Variants in AXIN2 observed in about 807,000 individuals in gnomAD.
AXIN2 encodes the protein axin-2.
AXIN2 carries 21 observed loss-of-function variants against 74.7 expected under a neutral mutation model. That is an observed-to-expected ratio of 0.28 (90% CI 0.20 to 0.40). The LOEUF is 0.40. AXIN2 is among the 10% of genes least tolerant of loss of function. The pLI is 1.00. For missense variants in AXIN2, 1,144 were observed against 1,111.1 expected (o/e 1.03, Z -0.42); for synonymous variants, 532 against 454.9 (o/e 1.17, Z -2.16).
chr17:65,556,820 G>A (rs1473762157), intron 2 of AXIN2, among the ~76,000 whole-genome samples: 1 of 152,124 alleles, frequency 6.6e-6, no homozygotes, highest in Non-Finnish European at 1.5e-5. Context: ...TTCACACAGA[G>A]AGCAAGATAA....
At position 65,533,732 on chromosome 17, in the gene AXIN2, G is replaced by A. The variant is rs559720236; in HGVS notation, c.2405+180C>T. Among the ~76,000 whole-genome samples the A allele has an allele frequency of 2.2e-3, 341 of 152,302 alleles. 2 individuals are homozygous for A. Among genetic ancestry groups the A allele is most frequent in the Non-Finnish European group, 2.1e-3 (145 of 68,030 alleles). On this transcript the variant is annotated intron_variant, in intron 10 of 10. Transcript: ENST00000307078. The stretch of plus-strand genomic sequence containing the variant: ...GCCTCCCTCTTGCGGCTGCTGCTTC[G>A]TTATTGCTGCTAGCGGTGAGGGGAG...
intron 7 of AXIN2, 47 bp downstream of exon 7, chr17:65,536,822 G>A (rs1184820702): frequency 2.0e-5 from 32 of 1,609,764 alleles, no homozygotes; most frequent in Non-Finnish European, 2.5e-5. Flanking sequence ...CCTCCGTACT[G>A]AGTGCCCATG....
chr17:65,558,754 G>C lies in AXIN2; in HGVS notation c.-116-18C>G. 4.5e-6 allele frequency: 4 copies of C among 896,486 alleles called. No homozygotes were observed. The highest frequency in any genetic ancestry group is 5.3e-6 in the Non-Finnish European group (3 of 567,252). 55.5% of individuals were successfully genotyped at this position (896,486 alleles called of 1,614,324 possible). A position where few individuals can be genotyped will look rare whatever the true frequency, so the allele number is the denominator to read the frequency against. ...CCTCCTCTCTGGAAAGAAAAGGAAG[G>C]GGGGAGGTGGGGAGAGAGAAAAGGG... On this transcript the variant is annotated intron_variant, in intron 1 of 10. Transcript: ENST00000307078.
At chr17:65,545,805 AG>A (rs1455164655) in intron 3 of AXIN2, among the ~76,000 whole-genome samples, 1 of 152,166 alleles carries the variant, frequency 6.6e-6, no homozygotes, top group African/African-American at 2.4e-5. Context: ...CTTTGGGAGA[AG>A]GCAATGATTT....
intron 3 of AXIN2, among the ~76,000 whole-genome samples, chr17:65,546,985 C>T (rs1239812337): frequency 2.6e-5 from 4 of 152,120 alleles, no homozygotes; most frequent in East Asian, 1.9e-4. Flanking sequence ...CTGAACTACA[C>T]ACTAACCCTT....
chr17:65,537,677 C>G lies in AXIN2; in HGVS notation c.1359G>C (p.Gln453His), dbSNP rs2043957761. The change falls in exon 6 of 11, where the codon CAG becomes CAC. Residue 453 changes from glutamine to histidine, a missense_variant. Around this residue, in one of 4 missense-constraint regions of AXIN2, gnomAD observed 1,053 missense variants for 973.5 expected, o/e 1.08. Coordinates refer to ENST00000307078, the MANE Select transcript of AXIN2 (RefSeq NM_004655.4). Reference protein sequence around the residue: ...LSRVLKTPGCQSPGVGRYSPR... With the variant: ...LSRVLKTPGCHSPGVGRYSPR... ...GGCTATAGCGGCCTACGCCTGGAGACTGGCAGCCAGGGGTCTTGAGGACCC... is the reference window on the plus strand; with the variant it reads ...GGCTATAGCGGCCTACGCCTGGAGAGTGGCAGCCAGGGGTCTTGAGGACCC... 2 of 1,557,580 alleles carry G rather than the reference C, an allele frequency of 1.3e-6. No individual in the cohort carries two copies. The highest frequency in any genetic ancestry group is 1.7e-6 in the Non-Finnish European group (2 of 1,151,740).
intron 2 of AXIN2, among the ~76,000 whole-genome samples, chr17:65,550,097 A>C (rs1028688454): frequency 1.3e-5 from 2 of 152,180 alleles, no homozygotes; most frequent in African/African-American, 2.4e-5. Flanking sequence ...GGGCCCCAAG[A>C]CATCTTAAGT....
At chr17:65,545,443 A>G (rs760632108) in intron 3 of AXIN2, among the ~76,000 whole-genome samples, 14 of 152,102 alleles carry the variant, frequency 9.2e-5, no homozygotes, top group Non-Finnish European at 1.9e-4. Context: ...TAATCCCACC[A>G]CTTTAGGAGG....
Position 65,537,785 on chromosome 17 carries a change from C to T in AXIN2, c.1251G>A (p.Ala417=), listed in dbSNP as rs557397475. ...GTAGGGAGAGGGGGTGCTGCGTGGG[C>T]GCCCCCTCCCGCGAATTGAGTGTGA... ...SELTLNSREG[A]PTQHPLSLLP... is the part of the protein sequence containing the mutation. The change falls in exon 6 of 11, where the codon GCG becomes GCA. Residue 417 remains alanine, a synonymous_variant. Coordinates refer to ENST00000307078, the MANE Select transcript of AXIN2 (RefSeq NM_004655.4). 1.9e-6 allele frequency: 3 copies of T among 1,586,456 alleles called. No individual in the cohort carries two copies. The highest frequency in any genetic ancestry group is 2.3e-5 in the East Asian group (1 of 43,632).
intron 3 of AXIN2, among the ~76,000 whole-genome samples, chr17:65,544,605 C>A (rs911842636): frequency 2.0e-5 from 3 of 152,196 alleles, no homozygotes; most frequent in Admixed American, 1.3e-4. Flanking sequence ...TTCTTTTATT[C>A]AAGCTCTAAA....
intron 3 of AXIN2, among the ~76,000 whole-genome samples, chr17:65,545,407 T>G (rs2044103876): frequency 6.6e-6 from 1 of 152,194 alleles, no homozygotes; most frequent in African/African-American, 2.4e-5. Context: ...AAATTTTTTT[T>G]GGCAGGTTGT....
Position 65,537,965 on chromosome 17 carries a change from C to A in AXIN2, c.1201-130G>T, listed in dbSNP as rs192839023. On this transcript the variant is annotated intron_variant, in intron 5 of 10. Transcript: ENST00000307078. ...GTGCACGCCCACAGCCACGCCCATG[C>A]GCACACGCACAGGCCCGCCTACACA... 5.1e-6 allele frequency: 7 copies of A among 1,366,688 alleles called. No homozygotes were observed. The African/African-American group carries it at 7.2e-5, about 14-fold the overall frequency. The allele number at this position is 1,366,688 out of a possible 1,614,324, so 84.7% of individuals were successfully genotyped here.
chr17:65,541,012 G>A (rs2044033361), intron 4 of AXIN2, among the ~76,000 whole-genome samples: 1 of 152,136 alleles, frequency 6.6e-6, no homozygotes, highest in Non-Finnish European at 1.5e-5. Context: ...AAGTAGCTGG[G>A]ACTACAGGCG....
chr17:65,558,064 G>C lies in AXIN2; in HGVS notation c.557C>G (p.Ala186Gly). 1 of 1,613,994 alleles carries C rather than the reference G, an allele frequency of 6.2e-7. No individual in the cohort carries two copies. The highest frequency in any genetic ancestry group is 8.5e-7 in the Non-Finnish European group (1 of 1,180,016). ...TEIQSVMEEN[A>G]YQMFLTSDIY... ...ATCAGAAGTCAAAAACATCTGGTAG[G>C]CATTTTCCTCCATCACCGACTGGAT... Residue 186 changes from alanine to glycine, a missense_variant, in exon 2 of 11, where the codon GCC (alanine) becomes GGC (glycine). Ala to Gly is a moderately conservative substitution (Grantham distance 60, BLOSUM62 0). Transcript: ENST00000307078.
rs773021204 is a variant in AXIN2 at position 65,535,575 on chromosome 17, G to A, written c.2237+51C>T. On this transcript the variant is annotated intron_variant, in intron 9 of 10. Transcript: ENST00000307078. ...TGAAACTCCAGATAGCGAATATTCTGAAACATAAAGCACTCGGCAGATCTC... is the reference window on the plus strand; with the variant it reads ...TGAAACTCCAGATAGCGAATATTCTAAAACATAAAGCACTCGGCAGATCTC... 7 of 1,559,078 alleles carry A rather than the reference G, an allele frequency of 4.5e-6. No homozygotes were observed. In the Admixed American group the frequency reaches 1.2e-4, roughly 26 times the overall value.
At chr17:65,532,793 A>G (rs1243238504) in intron 10 of AXIN2, among the ~76,000 whole-genome samples, 1 of 152,250 alleles carries the variant, frequency 6.6e-6, no homozygotes, top group Non-Finnish European at 1.5e-5. Flanking sequence ...CAACGGGTTC[A>G]CACCTGGGAA....
chr17:65,549,679 A>T lies in AXIN2; in HGVS notation c.816-19T>A. 1 of 1,584,618 alleles carries T rather than the reference A, an allele frequency of 6.3e-7. No individual in the cohort carries two copies. Among genetic ancestry groups the T allele is most frequent in the Non-Finnish European group, 8.6e-7 (1 of 1,163,948 alleles). ...GAAGGACCTATGGGCAAAGTACAAA[A>T]GTGGTTCAGTCACTGACCCTCACCA... On this transcript the variant is annotated intron_variant, in intron 2 of 10. Transcript: ENST00000307078.
chr17:65,541,702 G>A lies in AXIN2; in HGVS notation c.957-145C>T, dbSNP rs145656912. On this transcript the variant is annotated intron_variant, in intron 3 of 10. Transcript: ENST00000307078. ...GTGTCACATGTCTCCAGATACCATC[G>A]GTGCTCCCACAGGGAAGGACCCACC... 138 of 753,202 alleles carry A rather than the reference G, an allele frequency of 1.8e-4. No homozygotes were observed. In the East Asian group the frequency reaches 2.6e-3, roughly 14 times the overall value. 46.7% of individuals were successfully genotyped at this position (753,202 alleles called of 1,614,324 possible). A position where few individuals can be genotyped will look rare whatever the true frequency, so the allele number is the denominator to read the frequency against.
In AXIN2 at chr17:65,558,693, C is replaced by T. The variant is rs2044315377; in HGVS notation, c.-73G>A. 1 of 1,455,722 alleles carries T rather than the reference C, an allele frequency of 6.9e-7. No homozygotes were observed. The highest frequency in any genetic ancestry group is 1.2e-5 in the South Asian group (1 of 82,982). 90.2% of individuals were successfully genotyped at this position (1,455,722 alleles called of 1,614,324 possible). A position where few individuals can be genotyped will look rare whatever the true frequency, so the allele number is the denominator to read the frequency against. ...TTCCTCTCAGCAATCGGCGTGGTCT[C>T]TCTGTCTCTCTCAAGTCAGCAGGGG... is the stretch of plus-strand genomic sequence containing the variant. On this transcript the variant is annotated 5_prime_UTR_variant, in exon 2 of 11. Coordinates refer to ENST00000307078, the MANE Select transcript of AXIN2 (RefSeq NM_004655.4).
Sources: allele counts gnomAD v4.1 joint callset (sites outside exome capture counted in the v4.1 genomes callset), GRCh38; gene constraint gnomAD v4.1.1; regional missense constraint gnomAD v4.1.1; transcripts MANE v1.5; gene names NCBI Gene and HGNC (gene_info 2026-07-23, HGNC 2026-07-21).